TOX2: variants seen among roughly 807,000 people sequenced by gnomAD.
TOX2 encodes granulosa cell HMG box 1.
A neutral mutation model predicts 47.4 loss-of-function variants in TOX2; 15 were observed. The observed-to-expected ratio is 0.32, with a 90% CI of 0.21 to 0.49. TOX2 has a LOEUF of 0.49. Among genes scored for constraint, TOX2 ranks in the 20% least tolerant of loss-of-function variants. TOX2 has a pLI of 0.99. For missense variants in TOX2, 622 were observed against 673.1 expected, an observed-to-expected ratio of 0.92 and a Z score of 0.84; for synonymous variants, 290 against 296.6, an observed-to-expected ratio of 0.98 and a Z score of 0.23.
chr20:44,027,464 C>T (rs1204791600), intron 3 of TOX2, among the ~76,000 whole-genome samples: 3 of 152,230 alleles, frequency 2.0e-5, no homozygotes, highest in East Asian at 1.9e-4. Flanking sequence ...CCAGCTTAGG[C>T]CTCTCCGCCA....
At chr20:44,018,300 G>A (rs913246487) in intron 3 of TOX2, among the ~76,000 whole-genome samples, 1 of 152,204 alleles carries the variant, frequency 6.6e-6, no homozygotes, top group Non-Finnish European at 1.5e-5. Flanking sequence ...ACTCGAGGCT[G>A]AGTGCAAGGG....
chr20:44,034,580 A>G (rs1490886462), intron 3 of TOX2, among the ~76,000 whole-genome samples: 1 of 152,202 alleles, frequency 6.6e-6, no homozygotes, highest in Non-Finnish European at 1.5e-5. Context: ...TGTGAGAAAG[A>G]GGCTCGAGGC....
intron 1 of TOX2, among the ~76,000 whole-genome samples, chr20:43,970,916 G>C (rs955522233): frequency 6.6e-6 from 1 of 152,238 alleles, no homozygotes; most frequent in Non-Finnish European, 1.5e-5. Context: ...CTCTGAGCAG[G>C]GTCTTGCAGC....
At chr20:43,971,670 G>A (rs1267690672) in intron 1 of TOX2, among the ~76,000 whole-genome samples, 1 of 152,244 alleles carries the variant, frequency 6.6e-6, no homozygotes, top group Non-Finnish European at 1.5e-5. Context: ...GCAATATTGG[G>A]ATAGCAGAAA....
At chr20:43,922,841 G>A (rs1414554263) in intron 1 of TOX2, among the ~76,000 whole-genome samples, 1 of 152,196 alleles carries the variant, frequency 6.6e-6, no homozygotes, top group Non-Finnish European at 1.5e-5. Flanking sequence ...TTTTTATTGA[G>A]TGCCTACTGG....
At chr20:43,986,543 A>G (rs1275904751) in intron 2 of TOX2, among the ~76,000 whole-genome samples, 1 of 152,048 alleles carries the variant, frequency 6.6e-6, no homozygotes, top group Non-Finnish European at 1.5e-5. Flanking sequence ...CAGCCTCCCA[A>G]AGTGCTGGGA....
rs1412117705 is a variant in TOX2, at chr20:43,972,534, A to G, written c.100-833A>G. Among the ~76,000 whole-genome samples the G allele has an allele frequency of 2.0e-5, 3 of 152,322 alleles. No individual in the cohort carries two copies. The East Asian group carries it at 5.8e-4, about 29-fold the overall frequency. On this transcript the variant is annotated intron_variant, in intron 1 of 8. Coordinates refer to ENST00000341197, the MANE Select transcript of TOX2 (RefSeq NM_001098797.2). ...AAGGGAAGGGAACTAACTGGAATTAAGTCCTCTCCATATTAATGTGTTGAG... is the reference window on the plus strand; with the variant it reads ...AAGGGAAGGGAACTAACTGGAATTAGGTCCTCTCCATATTAATGTGTTGAG...
chr20:44,009,371 G>A (rs566871486), intron 3 of TOX2, among the ~76,000 whole-genome samples: 1 of 152,280 alleles, frequency 6.6e-6, no homozygotes, highest in East Asian at 1.9e-4. Context: ...AAACCAACTC[G>A]AGATCCACAT....
At chr20:44,059,660 A>G (rs1297713081) in intron 5 of TOX2, among the ~76,000 whole-genome samples, 1 of 152,232 alleles carries the variant, frequency 6.6e-6, no homozygotes, top group African/African-American at 2.4e-5. Flanking sequence ...TTTTGTATCC[A>G]GCAAAACTAA....
intron 1 of TOX2, chr20:43,946,185 A>G: frequency 5.4e-6 from 7 of 1,287,816 alleles, no homozygotes; most frequent in Non-Finnish European, 7.3e-6. Context: ...TAGAGGGGCC[A>G]GGAGGCCTGC....
chr20:44,041,229 G>A (rs1041363379), intron 3 of TOX2, among the ~76,000 whole-genome samples: 4 of 152,204 alleles, frequency 2.6e-5, no homozygotes, highest in African/African-American at 7.2e-5. Flanking sequence ...GGCTGTTGGC[G>A]TTAAGATGTC....
intron 2 of TOX2, among the ~76,000 whole-genome samples, chr20:43,976,863 G>A (rs748740710): frequency 1.3e-5 from 2 of 152,098 alleles, no homozygotes; most frequent in Non-Finnish European, 2.9e-5. Flanking sequence ...TGCAAGAATT[G>A]TATTGTCCAA....
chr20:43,945,945 C>A, intron 1 of TOX2: 1 of 1,613,864 alleles, frequency 6.2e-7, no homozygotes, highest in African/African-American at 1.3e-5. Flanking sequence ...CTGTCGCGGG[C>A]GCGTTCTCTC....
rs749626169 is a variant in TOX2 at position 44,066,778 on chromosome 20, C to G, written c.1405C>G (p.Pro469Ala). 2.5e-5 allele frequency: 41 copies of G among 1,614,114 alleles called. No individual in the cohort carries two copies. The Admixed American group carries it at 6.3e-4, about 25-fold the overall frequency. Residue 469 changes from proline to alanine, a missense_variant, in exon 8 of 9, where the codon CCT becomes GCT. Around this residue, in one of 3 missense-constraint regions of TOX2, gnomAD observed 294 missense variants for 300.0 expected, o/e 0.98. Transcript: ENST00000341197. ...EFPSSSGSCS[P>A]GPSNPTSSGD... Reference sequence around the variant, plus strand: ...CCCCAGCAGCTCGGGATCCTGCTCACCTGGCCCATCCAACCCCACCAGCAG... The same window carrying G: ...CCCCAGCAGCTCGGGATCCTGCTCAGCTGGCCCATCCAACCCCACCAGCAG...
At chr20:43,982,429 G>GA in intron 2 of TOX2, among the ~76,000 whole-genome samples, 1 of 152,286 alleles carries the variant, frequency 6.6e-6, no homozygotes, top group Non-Finnish European at 1.5e-5. Flanking sequence ...AAGGATCAGG[G>GA]AATCTAAGCT....
At chr20:44,052,618 G>A (rs1267479224) in intron 4 of TOX2, among the ~76,000 whole-genome samples, 1 of 152,134 alleles carries the variant, frequency 6.6e-6, no homozygotes, top group African/African-American at 2.4e-5. Flanking sequence ...CACTCTCTAT[G>A]GGCCAGACAC....
chr20:44,066,695 C>G, intron 7 of TOX2, 35 bp from the exon 8 acceptor site: 1 of 1,613,908 alleles, frequency 6.2e-7, no homozygotes, highest in Non-Finnish European at 8.5e-7. Context: ...CCTCATCTCT[C>G]CTTGGCTCAT....
intron 1 of TOX2, among the ~76,000 whole-genome samples, chr20:43,965,237 C>A (rs979513842): frequency 2.0e-5 from 3 of 152,082 alleles, no homozygotes; most frequent in Admixed American, 6.6e-5. Context: ...GATTGACTGA[C>A]TTTCAGAGGT....
At chr20:44,068,615 C>T (rs8125734) in intron 8 of TOX2, 35 bp from the exon 9 acceptor site, 211,895 of 1,598,948 alleles carry the variant, frequency 0.13, 14,662 homozygotes, top group East Asian at 0.19. Context: ...GGAGAGGTAC[C>T]CAACAGCTTT....
Sources: gnomAD v4.1 joint callset for allele counts (sites outside exome capture counted in the v4.1 genomes callset) on GRCh38, gnomAD v4.1.1 for gene constraint, gnomAD v4.1.1 regional missense constraint, MANE v1.5 for transcripts, NCBI Gene and HGNC (gene_info 2026-07-23, HGNC 2026-07-21) for gene names.